Variants in TMEM200A observed in about 807,000 individuals in gnomAD.
TMEM200A encodes the protein two transmembrane C.
Under a neutral mutation model 24.3 loss-of-function variants are expected in TMEM200A, and 12 were observed. That is an observed-to-expected ratio of 0.49 (90% CI 0.32 to 0.80). The LOEUF (loss-of-function observed/expected upper bound fraction) is 0.80. Ranked by LOEUF, TMEM200A falls within the 30% of genes least tolerant of loss-of-function variation. TMEM200A has a pLI of 0.04. For synonymous variants in TMEM200A, 224 were observed against 224.4 expected, an observed-to-expected ratio of 1.00 and a Z score of 0.02; for missense variants, 545 against 614.4, an observed-to-expected ratio of 0.89 and a Z score of 1.19.
intron 2 of TMEM200A, among the ~76,000 whole-genome samples, chr6:130,396,456 GTTC>G (rs1016141861): frequency 1.3e-5 from 2 of 148,702 alleles, no homozygotes; most frequent in Non-Finnish European, 3.0e-5. Flanking sequence ...GAGGGAATTT[GTTC>G]TTCTTGTCAT....
chr6:130,425,495 T>C (rs1779710856), intron 2 of TMEM200A, among the ~76,000 whole-genome samples: 1 of 152,138 alleles, frequency 6.6e-6, no homozygotes, highest in Admixed American at 6.6e-5. Flanking sequence ...ACTCAAAAAG[T>C]AATATAAAAA....
At chr6:130,434,457 C>T (rs551784763) in intron 2 of TMEM200A, among the ~76,000 whole-genome samples, 1 of 152,090 alleles carries the variant, frequency 6.6e-6, no homozygotes, top group Admixed American at 6.6e-5. Flanking sequence ...TATAATTGAA[C>T]CATGTCTAAT....
Position 130,441,823 on chromosome 6 carries a change from C to T in TMEM200A, c.1401C>T (p.His467=), listed in dbSNP as rs758658234. The T allele has an allele frequency of 6.2e-7, 1 of 1,613,772 alleles. No individual in the cohort carries two copies. The highest frequency in any genetic ancestry group is 2.2e-5 in the East Asian group (1 of 44,850). ...KEKLLMISRS[H]NNLSFEHDEF... is the part of the protein sequence containing the mutation. The stretch of plus-strand genomic sequence containing the variant: ...AGCTTCTTATGATTTCAAGATCTCA[C>T]AATAATTTGAGTTTTGAACATGATG... The change falls in exon 3 of 3, where the codon CAC becomes CAT. Residue 467 remains histidine, a synonymous_variant. Transcript: ENST00000296978.
intron 1 of TMEM200A, among the ~76,000 whole-genome samples, chr6:130,374,226 T>C (rs565714791): frequency 6.6e-6 from 1 of 152,244 alleles, no homozygotes; most frequent in South Asian, 2.1e-4. Flanking sequence ...CCCGCCTCTG[T>C]AGCCTTGGAT....
rs1362734373 is a variant in TMEM200A, at chr6:130,366,877, G to A, written c.-81+353G>A. The stretch of plus-strand genomic sequence containing the variant: ...TTAATTCATGATTGAGCAAAGTATG[G>A]TCAGGGTTTCGTAAAGCAGTATCTG... On this transcript the variant is annotated intron_variant, in intron 1 of 2. Transcript: ENST00000296978. This position sits in a 1 kb window ranked among gnomAD's most constrained non-coding sequence, Gnocchi z 4.4. Among the ~76,000 whole-genome samples the A allele has an allele frequency of 6.6e-6, 1 of 152,174 alleles. No homozygotes were observed. The highest frequency in any genetic ancestry group is 2.4e-5 in the African/African-American group (1 of 41,442).
chr6:130,409,867 GT>G (rs2115155969), intron 2 of TMEM200A, among the ~76,000 whole-genome samples: 1 of 151,314 alleles, frequency 6.6e-6, no homozygotes, highest in East Asian at 1.9e-4. Context: ...AAAACTCACT[GT>G]TTAAGTAAAA....
Position 130,384,523 on chromosome 6 carries a change from G to T in TMEM200A, c.-80-650G>T, listed in dbSNP as rs188029728. 2.4e-3 allele frequency among the ~76,000 whole-genome samples: 369 copies of T among 152,182 alleles called. 3 individuals carry two copies. The highest frequency in any genetic ancestry group is 8.5e-3 in the African/African-American group (353 of 41,526). ...GATGGGGTCTTGCTATGTTGCCAAG[G>T]CTGGTCTTGAACTCCTGACCTCAAG... On this transcript the variant is annotated intron_variant, in intron 1 of 2. Coordinates refer to ENST00000296978, the MANE Select transcript of TMEM200A (RefSeq NM_001258277.2).
Position 130,366,440 on chromosome 6 carries a change from C to T in TMEM200A, c.-165C>T, listed in dbSNP as rs1363188902. 1.0e-5 allele frequency: 10 copies of T among 985,448 alleles called. No individual in the cohort carries two copies. Among genetic ancestry groups the T allele is most frequent in the Non-Finnish European group, 1.2e-5 (10 of 830,058 alleles). The allele number at this position is 985,448 out of a possible 1,614,324, so 61.0% of individuals were successfully genotyped here. A position where few individuals can be genotyped will look rare whatever the true frequency, so the allele number is the denominator to read the frequency against. ...TTCTTCGTCCGCCTCCAGAGGCGCC[C>T]GACGTCCCGACAGCTCCTGGAGTGA... is the stretch of plus-strand genomic sequence containing the variant. On this transcript the variant is annotated 5_prime_UTR_variant, in exon 1 of 3. Coordinates refer to ENST00000296978, the MANE Select transcript of TMEM200A (RefSeq NM_001258277.2). This position sits in a 1 kb window ranked among gnomAD's most constrained non-coding sequence, Gnocchi z 4.4.
chr6:130,384,823 A>C (rs1339628138), intron 1 of TMEM200A, among the ~76,000 whole-genome samples: 1 of 152,168 alleles, frequency 6.6e-6, no homozygotes, highest in African/African-American at 2.4e-5. Context: ...TCTCCTATAA[A>C]ATTTTCTGAC....
intron 1 of TMEM200A, among the ~76,000 whole-genome samples, chr6:130,372,299 C>T (rs758748159): frequency 3.9e-5 from 6 of 151,924 alleles, no homozygotes; most frequent in African/African-American, 9.7e-5. Context: ...AAGAGCAGAC[C>T]GTCTGAAGAG....
intron 2 of TMEM200A, among the ~76,000 whole-genome samples, chr6:130,408,302 A>G (rs1779252923): frequency 6.6e-6 from 1 of 152,072 alleles, no homozygotes; most frequent in African/African-American, 2.4e-5. Flanking sequence ...TTTCCCAGAT[A>G]TTTTCCTCCA....
At position 130,441,277 on chromosome 6, in the gene TMEM200A, C is replaced by T. The variant is rs1222293933; in HGVS notation, c.855C>T (p.Ile285=). Residue 285 remains isoleucine, a synonymous_variant, in exon 3 of 3, where the codon ATC becomes ATT. Coordinates refer to ENST00000296978, the MANE Select transcript of TMEM200A (RefSeq NM_001258277.2). ...CETKSIVSSS[I]SAFTLPVIKL... The stretch of plus-strand genomic sequence containing the variant: ...CCAAGTCAATTGTGTCATCGTCCAT[C>T]AGTGCTTTTACATTGCCTGTGATCA... 6.2e-7 allele frequency: 1 copy of T among 1,614,006 alleles called. No homozygotes were observed. Among genetic ancestry groups the T allele is most frequent in the African/African-American group, 1.3e-5 (1 of 74,912 alleles).
At chr6:130,427,805 T>C (rs1779782663) in intron 2 of TMEM200A, among the ~76,000 whole-genome samples, 1 of 152,128 alleles carries the variant, frequency 6.6e-6, no homozygotes, top group African/African-American at 2.4e-5. Context: ...ATTTCTTTGC[T>C]CATTCTTCTT....
intron 2 of TMEM200A, among the ~76,000 whole-genome samples, chr6:130,412,473 T>C (rs1779355210): frequency 6.6e-6 from 1 of 152,118 alleles, no homozygotes; most frequent in African/African-American, 2.4e-5. Context: ...TAACACCTTG[T>C]GCTGGCCCAC....
intron 2 of TMEM200A, among the ~76,000 whole-genome samples, chr6:130,392,600 A>G (rs902718058): frequency 6.6e-6 from 1 of 152,124 alleles, no homozygotes; most frequent in African/African-American, 2.4e-5. Context: ...AGTGTCTCCC[A>G]TCGCCTAGTA....
chr6:130,376,084 T>C (rs1398988448), intron 1 of TMEM200A, among the ~76,000 whole-genome samples: 2 of 152,138 alleles, frequency 1.3e-5, no homozygotes, highest in Non-Finnish European at 2.9e-5. Flanking sequence ...GAGTTTTTGT[T>C]ATGTGAACTT....
intron 2 of TMEM200A, among the ~76,000 whole-genome samples, chr6:130,412,468 C>A (rs1191313840): frequency 6.6e-6 from 1 of 152,136 alleles, no homozygotes; most frequent in African/African-American, 2.4e-5. Context: ...GATTCTAACA[C>A]CTTGTGCTGG....
At position 130,366,211 on chromosome 6, in the gene TMEM200A, C is replaced by A. The variant is rs77810592; in HGVS notation, c.-394C>A. 143,745 of 985,072 alleles carry A rather than the reference C, an allele frequency of 0.15. 11,126 individuals are homozygous for A. The highest frequency in any genetic ancestry group is 0.38 in the East Asian group (3,271 of 8,686). The allele number at this position is 985,072 out of a possible 1,614,324, so 61.0% of individuals were successfully genotyped here. A position where few individuals can be genotyped will look rare whatever the true frequency, so the allele number is the denominator to read the frequency against. On this transcript the variant is annotated 5_prime_UTR_variant, in exon 1 of 3. Coordinates refer to ENST00000296978, the MANE Select transcript of TMEM200A (RefSeq NM_001258277.2). The surrounding 1 kb of genome is among the most constrained non-coding windows in gnomAD (Gnocchi z 4.4). ...GGCCCTCTGTGAGCACCGGCAGCGG[C>A]GCATCCCCTGCCCCGAGGCCTCCGG...
chr6:130,373,307 C>G (rs1405753037), intron 1 of TMEM200A, among the ~76,000 whole-genome samples: 1 of 152,142 alleles, frequency 6.6e-6, no homozygotes, highest in Non-Finnish European at 1.5e-5. Context: ...GATACACACT[C>G]CCAATAAAAA....
Sources: allele counts gnomAD v4.1 joint callset (sites outside exome capture counted in the v4.1 genomes callset), GRCh38; gene constraint gnomAD v4.1.1; non-coding constraint Gnocchi (gnomAD v3.1); transcripts MANE v1.5; gene names NCBI Gene and HGNC (gene_info 2026-07-23, HGNC 2026-07-21).